Variants in CGNL1 observed in about 807,000 individuals in gnomAD.
CGNL1 encodes the protein cingulin-like protein 1.
In CGNL1, 132 loss-of-function variants were observed where a neutral mutation model predicts 141.2. That is an observed-to-expected ratio of 0.93 (90% CI 0.81 to 1.08). CGNL1 has a LOEUF of 1.08. CGNL1 is among the 50% of genes least tolerant of loss of function. The pLI is 0.00. For missense variants in CGNL1, 1,870 were observed against 1,588.6 expected, an observed-to-expected ratio of 1.18 and a Z score of -3.01; for synonymous variants, 690 against 622.1, an observed-to-expected ratio of 1.11 and a Z score of -1.63.
At chr15:57,447,599 T>G (rs1343616885) in intron 4 of CGNL1, among the ~76,000 whole-genome samples, 2 of 152,124 alleles carry the variant, frequency 1.3e-5, no homozygotes, top group Non-Finnish European at 2.9e-5. Context: ...CTAAGAGTGG[T>G]TTTTCTTTTA....
At chr15:57,377,012 G>T (rs151010646) in intron 1 of CGNL1, 20 of 152,202 alleles carry the variant, frequency 1.3e-4, no homozygotes, top group African/African-American at 4.8e-4. Flanking sequence ...CCCCTGGAAA[G>T]AAAGGGGCGT....
Position 57,400,792 on chromosome 15 carries a change from A to G in CGNL1, c.-16+24225A>G, listed in dbSNP as rs893899457. ...CAGTTACTTGGGAGGCTGAGGCAGG[A>G]GAATCGCCTGAACCTAGGAGGTAGA... is the stretch of plus-strand genomic sequence containing the variant. On this transcript the variant is annotated intron_variant, in intron 1 of 18. Transcript: ENST00000281282. Among the ~76,000 whole-genome samples the G allele has an allele frequency of 2.7e-5, 4 of 149,434 alleles. No homozygotes were observed. The Admixed American group carries it at 2.7e-4, about 10-fold the overall frequency.
intron 8 of CGNL1, among the ~76,000 whole-genome samples, chr15:57,483,643 A>G (rs2063754284): frequency 6.6e-6 from 1 of 151,984 alleles, no homozygotes; most frequent in Admixed American, 6.6e-5. Context: ...AAGCTCCAAT[A>G]CTATGTTGAA....
chr15:57,463,490 G>C (rs1051315172), intron 8 of CGNL1, among the ~76,000 whole-genome samples: 2 of 152,200 alleles, frequency 1.3e-5, no homozygotes, highest in African/African-American at 4.8e-5. Flanking sequence ...TAGTCAAGAC[G>C]TGTATCACTG....
chr15:57,539,425 C>G (rs1432444657), intron 14 of CGNL1, among the ~76,000 whole-genome samples: 2 of 152,126 alleles, frequency 1.3e-5, no homozygotes, highest in African/African-American at 4.8e-5. Context: ...TTCTCGATGT[C>G]CACTGGTTGT....
chr15:57,520,937 G>A (rs774659187), intron 10 of CGNL1, among the ~76,000 whole-genome samples: 5 of 152,144 alleles, frequency 3.3e-5, no homozygotes, highest in Non-Finnish European at 7.3e-5. Flanking sequence ...CAATCATAGG[G>A]TAAAATCTGC....
chr15:57,485,891 G>C (rs7162120), intron 8 of CGNL1, among the ~76,000 whole-genome samples: 138,543 of 152,254 alleles, frequency 0.91, 63,137 homozygotes, highest in East Asian at 1. Flanking sequence ...GTTTAGCCAC[G>C]TGCCATTTCT....
In CGNL1 at chr15:57,545,715, C is replaced by T. The variant is rs146236590; in HGVS notation, c.3609+15C>T. On this transcript the variant is annotated intron_variant, in intron 17 of 18. Transcript: ENST00000281282. The stretch of plus-strand genomic sequence containing the variant: ...AGAAGGACCAGGTGGGGAGCCTCTG[C>T]GTGCATTTGCTCTTAGATGAGATTG... 233 of 1,592,634 alleles carry T rather than the reference C, an allele frequency of 1.5e-4. 2 individuals are homozygous for T. The East Asian group carries it at 2.6e-3, about 18-fold the overall frequency.
intron 1 of CGNL1, among the ~76,000 whole-genome samples, chr15:57,391,694 A>G (rs565757904): frequency 6.6e-6 from 1 of 152,390 alleles, no homozygotes; most frequent in East Asian, 1.9e-4. Context: ...TCATGTAAAC[A>G]AGAAGTCCAA....
At chr15:57,520,772 A>C (rs2031199915) in intron 10 of CGNL1, among the ~76,000 whole-genome samples, 1 of 152,178 alleles carries the variant, frequency 6.6e-6, no homozygotes, top group African/African-American at 2.4e-5. Context: ...ACAACCAAGG[A>C]AAAAGGGCCC....
chr15:57,413,659 A>C (rs1471807135), intron 1 of CGNL1, among the ~76,000 whole-genome samples: 1 of 152,240 alleles, frequency 6.6e-6, no homozygotes, highest in African/African-American at 2.4e-5. Context: ...TAATCAACAG[A>C]CATTTTATTT....
intron 1 of CGNL1, among the ~76,000 whole-genome samples, chr15:57,412,528 G>C (rs73417968): frequency 6.6e-6 from 1 of 152,088 alleles, no homozygotes; most frequent in Non-Finnish European, 1.5e-5. Context: ...TGGCTGATGC[G>C]GGACTCCTTT....
chr15:57,407,002 T>G (rs1418011053), intron 1 of CGNL1: 1 of 152,246 alleles, frequency 6.6e-6, no homozygotes, highest in Non-Finnish European at 1.5e-5. Context: ...CATCTGTCCT[T>G]TTGACATGAA....
At chr15:57,385,791 T>C (rs1250040075) in intron 1 of CGNL1, among the ~76,000 whole-genome samples, 1 of 152,230 alleles carries the variant, frequency 6.6e-6, no homozygotes, top group Non-Finnish European at 1.5e-5. Flanking sequence ...TTGGTAGTTA[T>C]GACTGGGGTG....
intron 14 of CGNL1, among the ~76,000 whole-genome samples, chr15:57,533,258 T>G (rs948795627): frequency 1.3e-5 from 2 of 152,290 alleles, no homozygotes; most frequent in African/African-American, 4.8e-5. Context: ...CTGCAACAGC[T>G]TATCAGGCCA....
intron 1 of CGNL1, among the ~76,000 whole-genome samples, chr15:57,392,167 T>A (rs1220144873): frequency 1.3e-5 from 2 of 152,210 alleles, no homozygotes; most frequent in Non-Finnish European, 2.9e-5. Context: ...TTGAATTTTA[T>A]AAATATCACT....
In CGNL1 at chr15:57,438,317, C is replaced by A; in HGVS notation, c.318C>A (p.Asn106Lys). 1 of 1,614,112 alleles carries A rather than the reference C, an allele frequency of 6.2e-7. No homozygotes were observed. Among genetic ancestry groups the A allele is most frequent in the African/African-American group, 1.3e-5 (1 of 75,016 alleles). Residue 106 changes from asparagine (N) to lysine (K), a missense_variant, in exon 2 of 19, where the codon AAC (asparagine) becomes AAA (lysine). By Grantham distance (94) the Asn-to-Lys change is moderately conservative. Coordinates refer to ENST00000281282, the MANE Select transcript of CGNL1 (RefSeq NM_032866.5). ...GTGAAGAACTTCAGCTTCCAGAAAA[C>A]CCATACGCCCAGCCTAGCCCAATAA... ...ENSEELQLPE[N>K]PYAQPSPIRN... is the part of the protein sequence containing the mutation.
chr15:57,467,985 C>T (rs970018228), intron 8 of CGNL1, among the ~76,000 whole-genome samples: 7 of 152,018 alleles, frequency 4.6e-5, no homozygotes, highest in Non-Finnish European at 1.0e-4. Context: ...CCACCATGGC[C>T]GGCTAAGTCT....
intron 3 of CGNL1, among the ~76,000 whole-genome samples, 189 bp from the exon 4 acceptor site, chr15:57,442,184 A>G (rs200851817): frequency 1.9e-4 from 6 of 31,552 alleles, no homozygotes; most frequent in Non-Finnish European, 4.2e-4. Flanking sequence ...ATTTATTTGA[A>G]AAAAAAAAAA....
Sources: gnomAD v4.1 joint callset for allele counts (sites outside exome capture counted in the v4.1 genomes callset) on GRCh38, gnomAD v4.1.1 for gene constraint, MANE v1.5 for transcripts, NCBI Gene and HGNC (gene_info 2026-07-23, HGNC 2026-07-21) for gene names.